Variants in BRCA1 observed in about 807,000 individuals in gnomAD.
BRCA1 encodes the protein BRCA1 DNA repair associated, also known as breast cancer type 1 susceptibility protein.
A neutral mutation model predicts 173.7 loss-of-function variants in BRCA1; 140 were observed. The observed-to-expected ratio is 0.81, with a 90% CI of 0.70 to 0.93. The LOEUF is 0.93. Ranked by LOEUF, BRCA1 falls within the 40% of genes least tolerant of loss-of-function variation. BRCA1 has a pLI of 0.00. For missense variants in BRCA1, 1,983 were observed against 2,172.5 expected (o/e 0.91, Z 1.73); for synonymous variants, 662 against 756.0 (o/e 0.88, Z 2.04).
chr17:43,110,427 A>G, intron 3 of BRCA1: 1 of 281,656 alleles, frequency 3.6e-6, no homozygotes, highest in South Asian at 3.1e-5. Context: ...CTCTACAGAA[A>G]ACACAAAATT....
chr17:43,150,722 T>C (rs547662498), intron 1 of BRCA1, among the ~76,000 whole-genome samples: 23 of 152,202 alleles, frequency 1.5e-4, no homozygotes, highest in Admixed American at 1.3e-3. Flanking sequence ...AGAATGAAGC[T>C]GAGCTCTAGC....
intron 1 of BRCA1, among the ~76,000 whole-genome samples, chr17:43,136,015 C>T (rs776678672): frequency 1.3e-4 from 20 of 152,198 alleles, no homozygotes; most frequent in Admixed American, 3.9e-4. Context: ...CAGGCTTCGC[C>T]GGGCGCAGGG....
At chr17:43,109,061 T>TCTATCTACCTACCTAC (rs761976435) in intron 3 of BRCA1, among the ~76,000 whole-genome samples, 2 of 151,892 alleles carry the variant, frequency 1.3e-5, no homozygotes, top group African/African-American at 4.8e-5. Context: ...TACCTACCTA[T>TCTATCTACCTACCTAC]CTATCTGTCT....
chr17:43,106,131 A>G lies in BRCA1; in HGVS notation c.212+325T>C, dbSNP rs55974475. The stretch of plus-strand genomic sequence containing the variant: ...AGGACCCTGTCTTAAAAAAAAAAAA[A>G]AAAAGAAAAGGAAACACAATCAAAA... On this transcript the variant is annotated intron_variant, in intron 4 of 22. Coordinates refer to ENST00000357654, the MANE Select transcript of BRCA1 (RefSeq NM_007294.4). 0.036 allele frequency among the ~76,000 whole-genome samples: 5,544 copies of G among 151,910 alleles called. 337 individuals are homozygous for G. Among genetic ancestry groups the G allele is most frequent in the African/African-American group, 0.12 (5,164 of 41,406 alleles).
In BRCA1 at chr17:43,131,669, C is replaced by T. The variant is rs569747257; in HGVS notation, c.-19-7554G>A. Among the ~76,000 whole-genome samples, 14 of 151,276 alleles carry T rather than the reference C, an allele frequency of 9.3e-5. 2 individuals are homozygous for T. The highest frequency in any genetic ancestry group is 8.3e-4 in the South Asian group (4 of 4,806). On this transcript the variant is annotated intron_variant, in intron 1 of 7. Coordinates refer to the BRCA1 transcript ENST00000634433. ...CCAGGAGGCGGAGCTTGCAGTGAGCCGAGATCGTGCCACTGCACTTCAGCC... is the reference window on the plus strand; with the variant it reads ...CCAGGAGGCGGAGCTTGCAGTGAGCTGAGATCGTGCCACTGCACTTCAGCC...
At chr17:43,134,810 G>C (rs1012220640) in intron 1 of BRCA1, among the ~76,000 whole-genome samples, 1 of 152,098 alleles carries the variant, frequency 6.6e-6, no homozygotes, top group Non-Finnish European at 1.5e-5. Context: ...CCCAATAGCT[G>C]GTTTTATATT....
In BRCA1 at chr17:43,044,539, C is replaced by A. The variant is rs746187092; in HGVS notation, c.*1139G>T. 13 of 506,382 alleles carry A rather than the reference C, an allele frequency of 2.6e-5. No individual in the cohort carries two copies. Among genetic ancestry groups the A allele is most frequent in the Non-Finnish European group, 5.0e-5 (13 of 258,518 alleles). The allele number at this position is 506,382 out of a possible 1,614,324, so 31.4% of individuals were successfully genotyped here. A position where few individuals can be genotyped will look rare whatever the true frequency, so the allele number is the denominator to read the frequency against. On this transcript the variant is annotated 3_prime_UTR_variant, in exon 23 of 23. Coordinates refer to ENST00000357654, the MANE Select transcript of BRCA1 (RefSeq NM_007294.4). ...AACAGGGAGCAAAGGAAAAAAATCA[C>A]CTCAAAGAAAGCAACAGCTTCCTTC...
chr17:43,113,575 G>T (rs1313513282), intron 3 of BRCA1, among the ~76,000 whole-genome samples: 1 of 151,720 alleles, frequency 6.6e-6, no homozygotes, highest in Non-Finnish European at 1.5e-5. Context: ...CGCCATTTTG[G>T]CCAGGATGGT....
chr17:43,140,093 G>GA, intron 1 of BRCA1: 1 of 350,692 alleles, frequency 2.9e-6, no homozygotes, highest in Non-Finnish European at 5.7e-6. Flanking sequence ...CCCATCCTCT[G>GA]GGGTGGGGAG....
In BRCA1 at chr17:43,060,220, C is replaced by T. The variant is rs550188653; in HGVS notation, c.5194-3085G>A. Among the ~76,000 whole-genome samples, 7 of 152,188 alleles carry T rather than the reference C, an allele frequency of 4.6e-5. No individual in the cohort carries two copies. The East Asian group carries it at 7.7e-4, about 17-fold the overall frequency. ...TCCCGTGTAGCTGGGATTAGAGGCA[C>T]GCGCCACCACGCTGGGCAAATTTTT... On this transcript the variant is annotated intron_variant, in intron 18 of 22. Transcript: ENST00000357654.
At chr17:43,162,610 G>A (rs1257711087) in intron 1 of BRCA1, 2 of 152,196 alleles carry the variant, frequency 1.3e-5, no homozygotes, top group Non-Finnish European at 2.9e-5. Context: ...TAATAGGACT[G>A]TAGCAACCTT....
chr17:43,123,586 G>C (rs550612733), intron 2 of BRCA1, among the ~76,000 whole-genome samples: 1 of 152,210 alleles, frequency 6.6e-6, no homozygotes, highest in Non-Finnish European at 1.5e-5. Context: ...CTGACCTCGT[G>C]ATCCTACCAC....
At chr17:43,060,009 G>A (rs1356734069) in intron 18 of BRCA1, among the ~76,000 whole-genome samples, 1 of 152,028 alleles carries the variant, frequency 6.6e-6, no homozygotes, top group Non-Finnish European at 1.5e-5. Context: ...GGGTTCAAGC[G>A]ATTCTCCTGC....
At chr17:43,085,909 C>T (rs1375304737) in intron 11 of BRCA1, among the ~76,000 whole-genome samples, 1 of 151,924 alleles carries the variant, frequency 6.6e-6, no homozygotes, top group Non-Finnish European at 1.5e-5. Flanking sequence ...TCTAATGTTC[C>T]TACTACTACA....
intron 11 of BRCA1, among the ~76,000 whole-genome samples, chr17:43,086,885 T>C (rs1198293329): frequency 6.6e-6 from 1 of 152,184 alleles, no homozygotes. Context: ...ACAGCTCAGA[T>C]ACAGAGTGGG....
Position 43,105,016 on chromosome 17 carries a change from C to A in BRCA1, c.213-60G>T, listed in dbSNP as rs2154552931. 12 of 1,360,512 alleles carry A rather than the reference C, an allele frequency of 8.8e-6. 1 individual carries two copies. In the South Asian group the frequency reaches 1.3e-4, roughly 15 times the overall value. 84.3% of individuals were successfully genotyped at this position (1,360,512 alleles called of 1,614,324 possible). A position where few individuals can be genotyped will look rare whatever the true frequency, so the allele number is the denominator to read the frequency against. ...AGTGATTATCAACCTTTTAAGGACA[C>A]TAAAATAAGAAAAGACATGTAAACA... On this transcript the variant is annotated intron_variant, in intron 4 of 22. Transcript: ENST00000357654.
chr17:43,126,190 G>A (rs941238609), upstream of BRCA1, among the ~76,000 whole-genome samples: 3 of 152,240 alleles, frequency 2.0e-5, no homozygotes, highest in Non-Finnish European at 4.4e-5. Context: ...CGCACTCGTA[G>A]TTCCACCCCT....
intron 1 of BRCA1, among the ~76,000 whole-genome samples, chr17:43,136,999 C>T (rs1180536096): frequency 2.0e-5 from 3 of 152,098 alleles, no homozygotes; most frequent in Non-Finnish European, 4.4e-5. Flanking sequence ...CATTGCGGCA[C>T]TATTCACAAT....
At chr17:43,060,679 G>A (rs918120488) in intron 18 of BRCA1, among the ~76,000 whole-genome samples, 2 of 147,498 alleles carry the variant, frequency 1.4e-5, no homozygotes, top group Non-Finnish European at 3.0e-5. Context: ...CTAGTTTTTT[G>A]TATTTTTAGT....
Sources: allele counts gnomAD v4.1 joint callset (sites outside exome capture counted in the v4.1 genomes callset), GRCh38; gene constraint gnomAD v4.1.1; transcripts MANE v1.5; gene names NCBI Gene and HGNC (gene_info 2026-07-23, HGNC 2026-07-21).